The following MAP7 variants were observed in gnomAD, a reference collection of about 807,000 sequenced individuals.
The protein encoded by MAP7 is ensconsin.
Under a neutral mutation model 94.8 loss-of-function variants are expected in MAP7, and 52 were observed. The observed-to-expected ratio is 0.55, with a 90% confidence interval of 0.44 to 0.69. The LOEUF is 0.69. Among genes scored for constraint, MAP7 ranks in the 30% least tolerant of loss-of-function variants. MAP7 has a pLI of 0.00. For missense variants in MAP7, 940 were observed against 964.6 expected, an observed-to-expected ratio of 0.97 and a Z score of 0.34; for synonymous variants, 350 against 357.0, an observed-to-expected ratio of 0.98 and a Z score of 0.22.
chr6:136,444,191 G>A (rs1375980335), intron 1 of MAP7, among the ~76,000 whole-genome samples: 14 of 152,136 alleles, frequency 9.2e-5, no homozygotes, highest in Admixed American at 9.2e-4. Context: ...AGCCATGGAG[G>A]TCTATGAGCC....
At chr6:136,414,484 G>A (rs1788703519) in intron 2 of MAP7, among the ~76,000 whole-genome samples, 1 of 151,872 alleles carries the variant, frequency 6.6e-6, no homozygotes, top group Non-Finnish European at 1.5e-5. Context: ...GGAAGTTCTT[G>A]CTATCATTTG....
At chr6:136,395,270 G>C (rs1782103895) in intron 3 of MAP7, among the ~76,000 whole-genome samples, 2 of 151,710 alleles carry the variant, frequency 1.3e-5, no homozygotes, top group African/African-American at 4.8e-5. Context: ...TCTAACTGGG[G>C]TGCTATGTCT....
intron 1 of MAP7, among the ~76,000 whole-genome samples, chr6:136,502,336 T>C (rs1051423427): frequency 6.6e-6 from 1 of 152,256 alleles, no homozygotes. Flanking sequence ...CACAGAATTA[T>C]TCCCTGGCCA....
At chr6:136,414,766 C>A (rs933523831) in intron 2 of MAP7, among the ~76,000 whole-genome samples, 9 of 151,602 alleles carry the variant, frequency 5.9e-5, no homozygotes, top group Admixed American at 1.3e-4. Flanking sequence ...CTCAGCCTAC[C>A]AAGTAGCTGA....
intron 1 of MAP7, among the ~76,000 whole-genome samples, chr6:136,478,743 T>C (rs550659441): frequency 2.0e-5 from 3 of 151,870 alleles, no homozygotes; most frequent in South Asian, 4.2e-4. Context: ...AGTTGAACCA[T>C]GAGGAAATCC....
At position 136,509,756 on chromosome 6, in the gene MAP7, G is replaced by A. The variant is rs575904344; in HGVS notation, c.67+40586C>T. Among the ~76,000 whole-genome samples, 9 of 152,096 alleles carry A rather than the reference G, an allele frequency of 5.9e-5. No homozygotes were observed. In the East Asian group the frequency reaches 9.7e-4, roughly 16 times the overall value. On this transcript the variant is annotated intron_variant, in intron 1 of 17. Coordinates refer to ENST00000354570, the MANE Select transcript of MAP7 (RefSeq NM_003980.6). The stretch of plus-strand genomic sequence containing the variant: ...TAATTTTGCAGAGATGGAGTATCAC[G>A]ATGTTGCCCACGCTGGTGTTGAACT...
At chr6:136,472,995 G>A (rs918721869) in intron 1 of MAP7, among the ~76,000 whole-genome samples, 1 of 152,012 alleles carries the variant, frequency 6.6e-6, no homozygotes, top group Non-Finnish European at 1.5e-5. Flanking sequence ...ATATCCCATG[G>A]TTTTACAGAA....
At chr6:136,480,772 G>A (rs1481860011) in intron 1 of MAP7, among the ~76,000 whole-genome samples, 4 of 151,608 alleles carry the variant, frequency 2.6e-5, no homozygotes, top group African/African-American at 9.7e-5. Flanking sequence ...ATAGACAAAT[G>A]GGATCACTTC....
chr6:136,358,279 A>G (rs914374033), intron 15 of MAP7, among the ~76,000 whole-genome samples: 2 of 152,228 alleles, frequency 1.3e-5, no homozygotes, highest in Non-Finnish European at 2.9e-5. Context: ...AGGAGACTGG[A>G]CAGGCACAAA....
intron 1 of MAP7, among the ~76,000 whole-genome samples, chr6:136,515,980 A>G (rs1824696640): frequency 6.6e-6 from 1 of 151,240 alleles, no homozygotes; most frequent in Admixed American, 6.6e-5. Flanking sequence ...TAGACTCTGT[A>G]TTAGTTGCTG....
At chr6:136,461,589 G>C (rs1246014627) in intron 1 of MAP7, among the ~76,000 whole-genome samples, 1 of 152,134 alleles carries the variant, frequency 6.6e-6, no homozygotes, top group Non-Finnish European at 1.5e-5. Context: ...TATTGTCTGT[G>C]ATATTAGAAA....
At chr6:136,365,701 A>G (rs780241081) in intron 10 of MAP7, 34 bp downstream of exon 10, 1 of 1,595,282 alleles carries the variant, frequency 6.3e-7, no homozygotes. Flanking sequence ...AGAAAAAGAG[A>G]GAGCACCCAG....
chr6:136,495,481 CACAT>C (rs1415904809), intron 1 of MAP7, among the ~76,000 whole-genome samples: 1 of 149,344 alleles, frequency 6.7e-6, no homozygotes, highest in Non-Finnish European at 1.5e-5. Flanking sequence ...CACACACACA[CACAT>C]AAACACACAC....
intron 8 of MAP7, among the ~76,000 whole-genome samples, chr6:136,368,532 T>G (rs926056234): frequency 6.6e-6 from 1 of 152,222 alleles, no homozygotes; most frequent in African/African-American, 2.4e-5. Context: ...TAGAACTTTC[T>G]GATATGATGA....
intron 1 of MAP7, among the ~76,000 whole-genome samples, chr6:136,540,130 A>G (rs1185918354): frequency 6.6e-6 from 1 of 152,202 alleles, no homozygotes; most frequent in Non-Finnish European, 1.5e-5. Flanking sequence ...CCTTGGGCAC[A>G]GCAGCATGCG....
chr6:136,372,016 A>G (rs1449208446), intron 8 of MAP7, among the ~76,000 whole-genome samples: 1 of 152,248 alleles, frequency 6.6e-6, no homozygotes, highest in Non-Finnish European at 1.5e-5. Flanking sequence ...ATCCCTTGAC[A>G]GGGCCTTGAC....
chr6:136,425,285 T>C (rs971738938), intron 1 of MAP7, among the ~76,000 whole-genome samples: 1 of 152,216 alleles, frequency 6.6e-6, no homozygotes, highest in African/African-American at 2.4e-5. Context: ...AGCGAAATCA[T>C]GGATAAGGAG....
At chr6:136,391,974 C>T (rs1340195204) in intron 3 of MAP7, among the ~76,000 whole-genome samples, 2 of 152,220 alleles carry the variant, frequency 1.3e-5, no homozygotes, top group Non-Finnish European at 2.9e-5. Flanking sequence ...AAATAATAAA[C>T]GGTAAAACAA....
intron 1 of MAP7, among the ~76,000 whole-genome samples, chr6:136,503,497 C>A (rs532250653): frequency 7.9e-5 from 12 of 152,100 alleles, no homozygotes; most frequent in Non-Finnish European, 1.8e-4. Flanking sequence ...CCCACAGATC[C>A]GCACAGTGCT....
Sources: gnomAD v4.1 joint callset for allele counts (sites outside exome capture counted in the v4.1 genomes callset) on GRCh38, gnomAD v4.1.1 for gene constraint, MANE v1.5 for transcripts, NCBI Gene and HGNC (gene_info 2026-07-23, HGNC 2026-07-21) for gene names.